Variants in AGBL1 observed in about 807,000 individuals in gnomAD.
The protein encoded by AGBL1 is AGBL carboxypeptidase 1, also known as cytosolic carboxypeptidase 4.
In AGBL1, 130 loss-of-function variants were observed where a neutral mutation model predicts 118.9. The observed-to-expected ratio is 1.09, with a 90% CI of 0.95 to 1.26. The LOEUF is 1.26. Among genes scored for constraint, AGBL1 ranks in the 50% most tolerant of loss-of-function variants. The pLI is 0.00. For synonymous variants in AGBL1, 555 were observed against 478.9 expected (o/e 1.16, Z -2.08); for missense variants, 1,584 against 1,298.1 (o/e 1.22, Z -3.38).
chr15:86,536,530 C>T (rs1048688327), intron 19 of AGBL1, among the ~76,000 whole-genome samples: 4 of 152,116 alleles, frequency 2.6e-5, no homozygotes, highest in Non-Finnish European at 5.9e-5. Context: ...AGGATGGTCT[C>T]TATCTCTTGA....
chr15:86,222,432 C>T (rs558510118), intron 5 of AGBL1, among the ~76,000 whole-genome samples: 3 of 152,270 alleles, frequency 2.0e-5, no homozygotes, highest in African/African-American at 7.2e-5. Flanking sequence ...ACTCTTCACT[C>T]TCCTTCACCC....
At chr15:86,936,577 G>T (rs2080678456) in intron 23 of AGBL1, among the ~76,000 whole-genome samples, 1 of 152,154 alleles carries the variant, frequency 6.6e-6, no homozygotes, top group Admixed American at 6.5e-5. Context: ...AATAAATGGT[G>T]CTTGGATAAC....
At chr15:86,941,587 T>C (rs1253810047) in intron 23 of AGBL1, among the ~76,000 whole-genome samples, 1 of 152,160 alleles carries the variant, frequency 6.6e-6, no homozygotes, top group Admixed American at 6.5e-5. Context: ...AGTCACTGTA[T>C]ATAGAGATAA....
chr15:86,671,437 A>C (rs1467282948), intron 21 of AGBL1, among the ~76,000 whole-genome samples: 1 of 152,164 alleles, frequency 6.6e-6, no homozygotes, highest in Non-Finnish European at 1.5e-5. Flanking sequence ...TCTGTGGAAA[A>C]AATTTCTAAT....
At position 86,909,216 on chromosome 15, in the gene AGBL1, G is replaced by A. The variant is rs1410637627; in HGVS notation, c.*1922G>A. 1.3e-5 allele frequency: 2 copies of A among 152,240 alleles called. No individual in the cohort carries two copies. The highest frequency in any genetic ancestry group is 2.9e-5 in the Non-Finnish European group (2 of 68,054). The allele number at this position is 152,240 out of a possible 1,614,324, so 9.4% of individuals were successfully genotyped here. A position where few individuals can be genotyped will look rare whatever the true frequency, so the allele number is the denominator to read the frequency against. On this transcript the variant is annotated 3_prime_UTR_variant, in exon 23 of 23. Coordinates refer to ENST00000614907, the MANE Select transcript of AGBL1 (RefSeq NM_001386094.1). ...TTAGAAAACATAGTCTTTATTTGAG[G>A]TGGGCCCAGCTAAAATTTGAAGTTT...
chr15:86,893,156 C>T (rs930479261), intron 22 of AGBL1, among the ~76,000 whole-genome samples: 7 of 152,078 alleles, frequency 4.6e-5, no homozygotes, highest in South Asian at 2.1e-4. Flanking sequence ...TAGAAGGAGA[C>T]ATTCGGTGGA....
intron 5 of AGBL1, among the ~76,000 whole-genome samples, chr15:86,174,929 C>T (rs540094393): frequency 3.3e-5 from 5 of 152,070 alleles, no homozygotes; most frequent in African/African-American, 1.2e-4. Context: ...AGGACTTTTG[C>T]ATCTATGTTC....
intron 1 of AGBL1, among the ~76,000 whole-genome samples, chr15:86,086,938 T>G (rs1324976360): frequency 6.6e-6 from 1 of 152,222 alleles, no homozygotes; most frequent in Non-Finnish European, 1.5e-5. Context: ...AGTACATGTC[T>G]TTGTGAACAA....
chr15:86,930,304 A>G (rs1261386340), intron 23 of AGBL1, among the ~76,000 whole-genome samples: 1 of 152,172 alleles, frequency 6.6e-6, no homozygotes. Context: ...CACTTAGGGT[A>G]ACTATGAACA....
At chr15:86,775,799 T>A (rs1043020289) in intron 22 of AGBL1, among the ~76,000 whole-genome samples, 6 of 152,118 alleles carry the variant, frequency 3.9e-5, no homozygotes, top group African/African-American at 1.4e-4. Context: ...CATAAAAACA[T>A]TTAGAAAATA....
chr15:86,433,009 C>T (rs924906780), intron 18 of AGBL1, among the ~76,000 whole-genome samples: 7 of 152,116 alleles, frequency 4.6e-5, no homozygotes, highest in Admixed American at 2.6e-4. Context: ...TCAGGACAAG[C>T]GTGCACATTC....
chr15:86,504,248 T>C (rs911952114), intron 18 of AGBL1, among the ~76,000 whole-genome samples: 2 of 151,676 alleles, frequency 1.3e-5, no homozygotes, highest in African/African-American at 4.8e-5. Context: ...GTCTTTCTTT[T>C]GGTTACTGTT....
rs2085798523 is a variant in AGBL1 at position 86,674,329 on chromosome 15, C to T, written c.3051C>T (p.Gly1017=). 5 of 1,611,910 alleles carry T rather than the reference C, an allele frequency of 3.1e-6. No homozygotes were observed. The highest frequency in any genetic ancestry group is 1.7e-5 in the Admixed American group (1 of 59,764). The change falls in exon 22 of 23, where the codon GGC becomes GGT. Residue 1017 remains glycine (G), a synonymous_variant. Transcript: ENST00000614907. ...LEEMGAMFCL[G]LLILELKSAS... is the part of the protein sequence containing the mutation. Reference sequence around the variant, plus strand: ...AGATGGGAGCCATGTTCTGTTTGGGCCTCCTCATCCTGGAGCTCAAATCTG... The same window carrying T: ...AGATGGGAGCCATGTTCTGTTTGGGTCTCCTCATCCTGGAGCTCAAATCTG...
chr15:86,626,481 G>A (rs2084888769), intron 21 of AGBL1, among the ~76,000 whole-genome samples: 1 of 152,148 alleles, frequency 6.6e-6, no homozygotes, highest in African/African-American at 2.4e-5. Flanking sequence ...GAGAGGAACA[G>A]CACACACTGG....
rs903636121 is a variant in AGBL1, at chr15:86,958,692, C to T, written c.3222-29295C>T. 7.2e-5 allele frequency among the ~76,000 whole-genome samples: 11 copies of T among 152,172 alleles called. No homozygotes were observed. In the South Asian group the frequency reaches 1.0e-3, roughly 14 times the overall value. On this transcript the variant is annotated intron_variant, in intron 23 of 24. Transcript: ENST00000441037. ...TTTTTTATCAGCACTTTCTATAAAT[C>T]GATCTTAGAAAAATTTCACAAATGT...
intron 22 of AGBL1, among the ~76,000 whole-genome samples, chr15:86,797,506 T>C (rs2078589779): frequency 6.6e-6 from 1 of 152,222 alleles, no homozygotes; most frequent in Non-Finnish European, 1.5e-5. Flanking sequence ...AAATAAAAAA[T>C]GCACCAGGCA....
rs558056371 is a variant in AGBL1, at chr15:87,016,554, G to A, written c.3324-12271G>A. Among the ~76,000 whole-genome samples, 13 of 152,302 alleles carry A rather than the reference G, an allele frequency of 8.5e-5. No individual in the cohort carries two copies. The South Asian group carries it at 2.7e-3, about 32-fold the overall frequency. On this transcript the variant is annotated intron_variant, in intron 24 of 24. Transcript: ENST00000441037. ...GAAAGTCTAGGACTGGGCCAAGATG[G>A]CCAATTAAAAGCAGCTACAGTTTGC... is the stretch of plus-strand genomic sequence containing the variant.
intron 18 of AGBL1, among the ~76,000 whole-genome samples, chr15:86,494,741 T>A (rs2142148850): frequency 6.6e-6 from 1 of 152,216 alleles, no homozygotes; most frequent in East Asian, 1.9e-4. Flanking sequence ...CATCCTTTAC[T>A]CTAGAACATT....
At chr15:86,526,573 T>TATATAC (rs1415307184) in intron 19 of AGBL1, among the ~76,000 whole-genome samples, 441 of 117,546 alleles carry the variant, frequency 3.8e-3, no homozygotes, top group African/African-American at 6.3e-3. Context: ...TATATATATA[T>TATATAC]ACACACAGAG....
Sources: allele counts gnomAD v4.1 joint callset (sites outside exome capture counted in the v4.1 genomes callset), GRCh38; gene constraint gnomAD v4.1.1; transcripts MANE v1.5; gene names NCBI Gene and HGNC (gene_info 2026-07-23, HGNC 2026-07-21).